Variants in CLVS1 observed in about 807,000 individuals in gnomAD.
CLVS1 encodes clavesin-1.
In CLVS1, 10 loss-of-function variants were observed where a neutral mutation model predicts 33.1. The ratio of observed to expected loss-of-function variants is 0.30; its 90% CI spans 0.19 to 0.51. The LOEUF (loss-of-function observed/expected upper bound fraction) is 0.51, where lower values mean the gene tolerates loss of function less well. CLVS1 is among the 20% of genes least tolerant of loss of function. The pLI, the probability that CLVS1 is intolerant of heterozygous loss-of-function variation, is 0.97. For synonymous variants in CLVS1, 163 were observed against 166.1 expected, an observed-to-expected ratio of 0.98 and a Z score of 0.14; for missense variants, 343 against 433.4, an observed-to-expected ratio of 0.79 and a Z score of 1.85.
intron 2 of CLVS1, among the ~76,000 whole-genome samples, chr8:61,375,227 G>T (rs960434313): frequency 1.3e-5 from 2 of 149,552 alleles, no homozygotes; most frequent in African/African-American, 4.9e-5. Context: ...CAGGCATTTA[G>T]TATATTCTTA....
chr8:61,473,474 T>C (rs1159388099), intron 5 of CLVS1, among the ~76,000 whole-genome samples: 1 of 152,086 alleles, frequency 6.6e-6, no homozygotes, highest in Non-Finnish European at 1.5e-5. Flanking sequence ...GACTTTGTCC[T>C]ATAAGCAATG....
intron 2 of CLVS1, among the ~76,000 whole-genome samples, chr8:61,141,434 T>A (rs1806306571): frequency 6.6e-6 from 1 of 152,216 alleles, no homozygotes; most frequent in East Asian, 1.9e-4. Context: ...TCTATATTTA[T>A]CTGTAAGTTG....
the CLVS1 span, among the ~76,000 whole-genome samples, chr8:61,008,414 G>C: frequency 1.3e-5 from 2 of 150,912 alleles, no homozygotes; most frequent in African/African-American, 2.4e-5. Context: ...GAAGAGAGGA[G>C]TACCACGGAG....
intron 2 of CLVS1, among the ~76,000 whole-genome samples, chr8:61,143,238 AG>A (rs567112525): frequency 1.3e-5 from 2 of 152,348 alleles, no homozygotes; most frequent in Admixed American, 1.3e-4. Context: ...GGTAGAGTCA[AG>A]GAAGTAACCC....
chr8:61,150,361 G>A (rs1173823362), intron 2 of CLVS1, among the ~76,000 whole-genome samples: 2 of 152,142 alleles, frequency 1.3e-5, no homozygotes, highest in African/African-American at 2.4e-5. Context: ...TTGACCAGAC[G>A]CTTGGGCAGC....
chr8:61,090,870 T>C (rs771540699), intron 1 of CLVS1: 11 of 518,692 alleles, frequency 2.1e-5, no homozygotes, highest in African/African-American at 1.7e-4. Flanking sequence ...ATGAGAAGAC[T>C]GAGATTTTGG....
Position 61,212,683 on chromosome 8 carries a change from G to A in CLVS1, c.-152+80823G>A, listed in dbSNP as rs116104321. 5.6e-3 allele frequency among the ~76,000 whole-genome samples: 860 copies of A among 152,314 alleles called. 5 individuals are homozygous for A. The highest frequency in any genetic ancestry group is 0.02 in the African/African-American group (821 of 41,566). ...GGTGTCAATGGAGAGAAAAGACAGAGCTAAAATTCCTTAAGGCCACAGAGC... is the reference window on the plus strand; with the variant it reads ...GGTGTCAATGGAGAGAAAAGACAGAACTAAAATTCCTTAAGGCCACAGAGC... On this transcript the variant is annotated intron_variant, in intron 2 of 2. Transcript: ENST00000522621.
intron 1 of CLVS1, among the ~76,000 whole-genome samples, chr8:61,082,488 C>G (rs989232037): frequency 4.2e-5 from 6 of 143,690 alleles, no homozygotes; most frequent in Non-Finnish European, 9.0e-5. Flanking sequence ...AAGAAACAAA[C>G]AAACAAACAA....
intron 5 of CLVS1, among the ~76,000 whole-genome samples, chr8:61,471,543 T>A (rs956473717): frequency 2.6e-5 from 4 of 152,192 alleles, no homozygotes; most frequent in African/African-American, 7.2e-5. Flanking sequence ...AGTTTTTGCA[T>A]AGGGTCAATA....
At chr8:61,342,600 C>T (rs546141092) in intron 2 of CLVS1, among the ~76,000 whole-genome samples, 119 of 152,322 alleles carry the variant, frequency 7.8e-4, no homozygotes, top group African/African-American at 2.7e-3. Flanking sequence ...CAGCCATTGG[C>T]ATACGGAATC....
chr8:61,069,821 C>T (rs747098473), intron 1 of CLVS1, among the ~76,000 whole-genome samples: 1 of 151,936 alleles, frequency 6.6e-6, no homozygotes, highest in Admixed American at 6.6e-5. Context: ...GACAGAGTCT[C>T]GCTCTATCTC....
At chr8:60,987,660 G>T in the CLVS1 span, among the ~76,000 whole-genome samples, 2 of 152,286 alleles carry the variant, frequency 1.3e-5, no homozygotes, top group East Asian at 3.9e-4. Context: ...TGTTATGAGG[G>T]TTAAATGAGA....
intron 2 of CLVS1, among the ~76,000 whole-genome samples, chr8:61,305,908 A>C (rs181911458): frequency 2.0e-5 from 3 of 152,290 alleles, no homozygotes; most frequent in African/African-American, 7.2e-5. Context: ...TTGTGGCTGC[A>C]TAGTATTTCA....
At chr8:61,375,577 T>C (rs1442156880) in intron 2 of CLVS1, among the ~76,000 whole-genome samples, 1 of 152,204 alleles carries the variant, frequency 6.6e-6, no homozygotes, top group Non-Finnish European at 1.5e-5. Context: ...ACAGATTTCC[T>C]GATTTCTAAT....
chr8:61,445,032 A>G (rs1816702322), intron 3 of CLVS1, among the ~76,000 whole-genome samples: 1 of 152,222 alleles, frequency 6.6e-6, no homozygotes, highest in South Asian at 2.1e-4. Flanking sequence ...TCCCTGGTCC[A>G]GAAGACCTCA....
intron 2 of CLVS1, among the ~76,000 whole-genome samples, chr8:61,270,168 A>T (rs1262118516): frequency 6.6e-6 from 1 of 152,098 alleles, no homozygotes; most frequent in East Asian, 1.9e-4. Flanking sequence ...GATAGCTCTT[A>T]TTATTTTGAA....
rs114912262 is a variant in CLVS1 at position 61,242,429 on chromosome 8, G to C, written c.-151-57248G>C. Among the ~76,000 whole-genome samples, 1,109 of 151,792 alleles carry C rather than the reference G, an allele frequency of 7.3e-3. 14 individuals are homozygous for C. Among genetic ancestry groups the C allele is most frequent in the African/African-American group, 0.025 (1,041 of 41,356 alleles). On this transcript the variant is annotated intron_variant, in intron 2 of 2. Coordinates refer to the CLVS1 transcript ENST00000522621. The stretch of plus-strand genomic sequence containing the variant: ...TTGTTTCATCTCTTTCCTGCTCTTT[G>C]AATATCTCATGGATTTTAAATTTTC...
At chr8:61,407,252 T>A (rs116718048) in intron 3 of CLVS1, among the ~76,000 whole-genome samples, 1,698 of 152,312 alleles carry the variant, frequency 0.011, 38 homozygotes, top group African/African-American at 0.038. Flanking sequence ...TATTTATTCA[T>A]CCTTTCAAAG....
At chr8:61,084,980 A>T (rs1805092653) in intron 1 of CLVS1, among the ~76,000 whole-genome samples, 1 of 152,232 alleles carries the variant, frequency 6.6e-6, no homozygotes, top group African/African-American at 2.4e-5. Flanking sequence ...AAAAATTGGT[A>T]TGTCAATACC....
Sources: gnomAD v4.1 joint callset for allele counts (sites outside exome capture counted in the v4.1 genomes callset) on GRCh38, gnomAD v4.1.1 for gene constraint, MANE v1.5 for transcripts, NCBI Gene and HGNC (gene_info 2026-07-23, HGNC 2026-07-21) for gene names.